TTN: variants seen among roughly 807,000 people sequenced by gnomAD.
TTN encodes connectin.
In TTN, 1,525 loss-of-function variants were observed where a neutral mutation model predicts 3,223.0. That is an observed-to-expected ratio of 0.47 (90% confidence interval 0.45 to 0.49). TTN has a LOEUF of 0.49. Ranked by LOEUF, TTN falls within the 20% of genes least tolerant of loss-of-function variation. The pLI is 0.00. For missense variants in TTN, 40,786 were observed against 43,424.0 expected (o/e 0.94, Z 5.40); for synonymous variants, 14,094 against 15,161.0 (o/e 0.93, Z 5.17).
chr2:178,779,972 TTTGG>T lies in TTN; in HGVS notation c.3729+24_3729+27del, dbSNP rs769681673. The stretch of plus-strand genomic sequence containing the variant: ...AAGGAAAGTATAATTTATGAAATTG[TTTGG>T]TTGGTCATTACTTTTATACTCACCT... On this transcript the variant is annotated intron_variant, in intron 22 of 362. Transcript: ENST00000589042. 210 of 1,597,222 alleles carry T rather than the reference TTTGG, an allele frequency of 1.3e-4. No homozygotes were observed. The Middle Eastern group carries it at 6.6e-3, about 50-fold the overall frequency.
In TTN at chr2:178,613,804, A is replaced by G. The variant is rs769296123; in HGVS notation, c.49479T>C (p.Asp16493=). 1.9e-6 allele frequency: 3 copies of G among 1,612,598 alleles called. No individual in the cohort carries two copies. The highest frequency in any genetic ancestry group is 2.2e-5 in the South Asian group (2 of 91,008). Residue 16493 remains aspartate, a synonymous_variant, in exon 263 of 363, where the codon GAT becomes GAC. Coordinates refer to ENST00000589042, the MANE Select transcript of TTN (RefSeq NM_001267550.2). ...TATTGCATCTAACCCATTTATCTGT[A>G]TCAGGATCCAGTCTTTCAACCCAGT... is the stretch of plus-strand genomic sequence containing the variant. ...TGYWVERLDP[D]TDKWVRCNKM...
At chr2:178,798,728 C>T (rs985570976) in intron 6 of TTN, 1 of 152,112 alleles carries the variant, frequency 6.6e-6, no homozygotes, top group African/African-American at 2.4e-5. Flanking sequence ...GATAATAATT[C>T]TTACAGGTTG....
Position 178,528,982 on chromosome 2 carries a change from T to C in TTN, c.106769A>G (p.His35590Arg), listed in dbSNP as rs375572802. 8.7e-6 allele frequency: 14 copies of C among 1,613,900 alleles called. No homozygotes were observed. Among genetic ancestry groups the C allele is most frequent in the Admixed American group, 6.7e-5 (4 of 60,014 alleles). The stretch of plus-strand genomic sequence containing the variant: ...CTGTGATGTTTTAGTGATTTCCTCA[T>C]GGACAATGGATTTTTCCAGGGAGGT... The part of the protein sequence containing the change: ...AATSLEKSIV[H>R]EEITKTSQAS... The change falls in exon 360 of 363, where the codon CAT (histidine) becomes CGT (arginine). Residue 35590 changes from histidine (H) to arginine (R), a missense_variant. Coordinates refer to ENST00000589042, the MANE Select transcript of TTN (RefSeq NM_001267550.2).
At position 178,682,790 on chromosome 2, in the gene TTN, C is replaced by T. The variant is rs879230710; in HGVS notation, c.33001G>A (p.Glu11001Lys). The part of the protein sequence containing the change: ...EYEEYDYKEF[E>K]EYEPTEEYDQ... ...TATTCTTCTGTTGGTTCATACTCCTCAAATTCTTTATAATCATATTCTTCA... is the reference window on the plus strand; with the variant it reads ...TATTCTTCTGTTGGTTCATACTCCTTAAATTCTTTATAATCATATTCTTCA... The change falls in exon 135 of 363, where the codon GAG (glutamate) becomes AAG (lysine). Residue 11001 changes from glutamate (E) to lysine (K), a missense_variant. Coordinates refer to ENST00000589042, the MANE Select transcript of TTN (RefSeq NM_001267550.2). The T allele has an allele frequency of 1.1e-5, 18 of 1,612,888 alleles. No individual in the cohort carries two copies. In the African/African-American group the frequency reaches 1.7e-4, roughly 16 times the overall value.
intron 125 of TTN, 86 bp from the exon 126 acceptor site, chr2:178,688,864 A>ACAC: frequency 8.3e-7 from 1 of 1,201,760 alleles, no homozygotes; most frequent in Non-Finnish European, 1.2e-6. Flanking sequence ...GTTGCACAGT[A>ACAC]CACCACTTTG....
Position 178,527,685 on chromosome 2 carries a change from C to T in TTN, c.107441G>A (p.Gly35814Glu). The change falls in exon 362 of 363, where the codon GGA becomes GAA. Residue 35814 changes from glycine to glutamate, a missense_variant. Physicochemically the swap from Gly to Glu is moderately conservative, Grantham distance 98 (BLOSUM62 -2). Transcript: ENST00000589042. ...TTGGACTGACTGAGACGAGAAGCTT[C>T]CTTGCAAGCTTGTGTCACCACTTGT... ...LRTSGDTSLQGSFSSQSVQMS... is the reference protein window; with the variant it reads ...LRTSGDTSLQESFSSQSVQMS... 6.2e-7 allele frequency: 1 copy of T among 1,613,302 alleles called. No homozygotes were observed. Among genetic ancestry groups the T allele is most frequent in the Non-Finnish European group, 8.5e-7 (1 of 1,179,316 alleles).
Position 178,777,740 on chromosome 2 carries a change from C to T in TTN, c.4444G>A (p.Gly1482Ser). 3.1e-6 allele frequency: 5 copies of T among 1,614,056 alleles called. No homozygotes were observed. Among genetic ancestry groups the T allele is most frequent in the Non-Finnish European group, 4.2e-6 (5 of 1,179,960 alleles). The change falls in exon 25 of 363, where the codon GGT (glycine) becomes AGT (serine). Residue 1482 changes from glycine (G) to serine (S), a missense_variant. Physicochemically the swap from Gly to Ser is moderately conservative, Grantham distance 56. Transcript: ENST00000589042. ...QTARFDLKVV[G>S]RPMPETFWFH... ...CAGAACGTCTCTGGCATAGGTCTAC[C>T]AACAACCTTTAAGTCAAATCTGGCA...
Position 178,545,645 on chromosome 2 carries a change from T to G in TTN, c.95465A>C (p.Glu31822Ala). The G allele has an allele frequency of 1.9e-6, 3 of 1,613,810 alleles. No homozygotes were observed. In the South Asian group the frequency reaches 3.3e-5, roughly 18 times the overall value. The change falls in exon 344 of 363, where the codon GAG becomes GCG. Residue 31822 changes from glutamate to alanine, a missense_variant. Physicochemically the swap from Glu to Ala is moderately radical, Grantham distance 107. Coordinates refer to ENST00000589042, the MANE Select transcript of TTN (RefSeq NM_001267550.2). The stretch of plus-strand genomic sequence containing the variant: ...TTTTGTCCACTGAATGATGATATGC[T>G]CTTTGCCAGTCCCAACTTCTTCAGG... ...GIPEEVGTGK[E>A]HIIIQWTKPE...
At chr2:178,670,604 C>G (rs562573914) in intron 156 of TTN, among the ~76,000 whole-genome samples, 2 of 151,892 alleles carry the variant, frequency 1.3e-5, no homozygotes, top group Non-Finnish European at 2.9e-5. Context: ...TGATAACTTA[C>G]GCACATGCTT....
rs1475741583 is a variant in TTN at position 178,568,334 on chromosome 2, G to T, written c.77798C>A (p.Thr25933Lys). Residue 25933 changes from threonine to lysine, a missense_variant, in exon 326 of 363, where the codon ACA becomes AAA. Transcript: ENST00000589042. The part of the protein sequence containing the change: ...ITNYIVQKRD[T>K]TTTVWDVVSA... ...AACAACATCCCATACTGTGGTGGTT[G>T]TATCTCTTTTCTGAACAATGTAGTT... is the stretch of plus-strand genomic sequence containing the variant. The T allele has an allele frequency of 2.5e-6, 4 of 1,613,274 alleles. No individual in the cohort carries two copies. The African/African-American group carries it at 4.0e-5, about 16-fold the overall frequency.
In TTN at chr2:178,784,249, G is replaced by C; in HGVS notation, c.2596C>G (p.Pro866Ala). Reference sequence around the variant, plus strand: ...TCTGCCCTTACTCTAGTCTCACTGGGCTTCACAGTAGGAGCCTTCACCGAT... The same window carrying C: ...TCTGCCCTTACTCTAGTCTCACTGGCCTTCACAGTAGGAGCCTTCACCGAT... ...TKSVKAPTVK[P>A]SETRVRAEPT... Residue 866 changes from proline to alanine, a missense_variant, in exon 16 of 363, where the codon CCC (proline) becomes GCC (alanine). Physicochemically the swap from Pro to Ala is conservative, Grantham distance 27. Coordinates refer to ENST00000589042, the MANE Select transcript of TTN (RefSeq NM_001267550.2). 1 of 1,614,132 alleles carries C rather than the reference G, an allele frequency of 6.2e-7. No individual in the cohort carries two copies. The highest frequency in any genetic ancestry group is 1.3e-5 in the African/African-American group (1 of 75,046).
rs773335568 is a variant in TTN, at chr2:178,775,539, A to G, written c.6325T>C (p.Cys2109Arg). ...TTGACACCATTTTTGTACCATTCAC[A>G]TTCGGGGTCTGGTTTCCCCACGACT... The part of the protein sequence containing the change: ...VRVVGKPDPE[C>R]EWYKNGVKIE... The change falls in exon 28 of 363, where the codon TGT (cysteine) becomes CGT (arginine). Residue 2109 changes from cysteine to arginine, a missense_variant. Transcript: ENST00000589042. The G allele has an allele frequency of 6.2e-7, 1 of 1,613,930 alleles. No individual in the cohort carries two copies. The highest frequency in any genetic ancestry group is 2.2e-5 in the East Asian group (1 of 44,824).
Position 178,589,260 on chromosome 2 carries a change from G to C in TTN, c.62465C>G (p.Thr20822Ser), listed in dbSNP as rs376352599. Residue 20822 changes from threonine (T) to serine (S), a missense_variant, in exon 304 of 363, where the codon ACC (threonine) becomes AGC (serine). Physicochemically the swap from Thr to Ser is moderately conservative, Grantham distance 58 (BLOSUM62 1). Transcript: ENST00000589042. ...AGAAAATTTAGATGAATCAGCACGG[G>C]TATCAATCTTGACCCTTGGTGATCT... The part of the protein sequence containing the change: ...LTRSPRVKID[T>S]RADSSKFSLT... 2.1e-5 allele frequency: 34 copies of C among 1,613,350 alleles called. No homozygotes were observed. The highest frequency in any genetic ancestry group is 2.7e-5 in the Non-Finnish European group (32 of 1,179,636).
At chr2:178,683,005 A>G in intron 134 of TTN, 102 bp from the exon 135 acceptor site, 1 of 1,200,884 alleles carries the variant, frequency 8.3e-7, no homozygotes, top group Non-Finnish European at 1.2e-6. Context: ...CGTTTGTTTC[A>G]TGCACTGATT....
chr2:178,729,310 G>A lies in TTN; in HGVS notation c.18846C>T (p.Cys6282=). The change falls in exon 64 of 363, where the codon TGC becomes TGT. Residue 6282 remains cysteine (C), a synonymous_variant. Transcript: ENST00000589042. ...IVSNEGGSCS[C]STRVALKEPP... ...GACCTTTCAGGGCAACTCTAGTACTGCATGAGCAGCTGCCGCCTTCATTGG... is the reference window on the plus strand; with the variant it reads ...GACCTTTCAGGGCAACTCTAGTACTACATGAGCAGCTGCCGCCTTCATTGG... 6.2e-7 allele frequency: 1 copy of A among 1,611,230 alleles called. No individual in the cohort carries two copies. The highest frequency in any genetic ancestry group is 8.5e-7 in the Non-Finnish European group (1 of 1,178,096).
intron 350 of TTN, 143 bp downstream of exon 350, chr2:178,541,139 A>C: frequency 1.2e-6 from 1 of 851,324 alleles, no homozygotes; most frequent in East Asian, 3.0e-5. Context: ...CGGGGTAATA[A>C]AAATATTCCA....
chr2:178,725,466 T>C lies in TTN; in HGVS notation c.20738A>G (p.Gln6913Arg), dbSNP rs1352796608. ...ITFVENVATLQFAKAEPANAG... is the reference protein window; with the variant it reads ...ITFVENVATLRFAKAEPANAG... The stretch of plus-strand genomic sequence containing the variant: ...ATTAGCTGGCTCTGCTTTTGCAAAC[T>C]GTAGAGTTGCAACATTTTCCACAAA... Residue 6913 changes from glutamine to arginine, a missense_variant, in exon 71 of 363, where the codon CAG becomes CGG. Transcript: ENST00000589042. 2 of 1,613,150 alleles carry C rather than the reference T, an allele frequency of 1.2e-6. No individual in the cohort carries two copies. The highest frequency in any genetic ancestry group is 1.7e-6 in the Non-Finnish European group (2 of 1,179,504).
In TTN at chr2:178,531,718, T is replaced by C. The variant is rs1225108277; in HGVS notation, c.104897A>G (p.Gln34966Arg). The C allele has an allele frequency of 1.2e-6, 2 of 1,614,018 alleles. No individual in the cohort carries two copies. Among genetic ancestry groups the C allele is most frequent in the South Asian group, 1.1e-5 (1 of 91,082 alleles). Residue 34966 changes from glutamine (Q) to arginine (R), a missense_variant, in exon 358 of 363, where the codon CAG (glutamine) becomes CGG (arginine). By Grantham distance (43) the Gln-to-Arg change is conservative. Coordinates refer to ENST00000589042, the MANE Select transcript of TTN (RefSeq NM_001267550.2). ...GQNTRFILNVQSKPTAEVKWY... is the reference protein window; with the variant it reads ...GQNTRFILNVRSKPTAEVKWY... ...TTTAACCTCGGCAGTTGGCTTAGACTGAACATTTAAAATAAAACGTGTATT... is the reference window on the plus strand; with the variant it reads ...TTTAACCTCGGCAGTTGGCTTAGACCGAACATTTAAAATAAAACGTGTATT...
In TTN at chr2:178,699,383, C is replaced by CTTT. The variant is rs59989386; in HGVS notation, c.30683-472_30683-470dup. Among the ~76,000 whole-genome samples the CTTT allele has an allele frequency of 8.9e-5, 4 of 44,858 alleles. 1 individual carries two copies. The highest frequency in any genetic ancestry group is 1.7e-4 in the Non-Finnish European group (4 of 22,888). 29.4% of individuals were successfully genotyped at this position (44,858 alleles called of 152,430 possible). On this transcript the variant is annotated intron_variant, in intron 111 of 362. Coordinates refer to ENST00000589042, the MANE Select transcript of TTN (RefSeq NM_001267550.2). ...TTTGTATTCATGAATAAATAACACTCTTTTTTTTTTTTTTTTTTTTTTTTT... is the reference window on the plus strand; with the variant it reads ...TTTGTATTCATGAATAAATAACACTCTTTTTTTTTTTTTTTTTTTTTTTTTTTT...
Sources: allele counts gnomAD v4.1 joint callset (sites outside exome capture counted in the v4.1 genomes callset), GRCh38; gene constraint gnomAD v4.1.1; transcripts MANE v1.5; gene names NCBI Gene and HGNC (gene_info 2026-07-23, HGNC 2026-07-21).